Variants in DIS3L2 observed in about 807,000 individuals in gnomAD.
DIS3L2 encodes the protein DIS3 like 3'-5' exoribonuclease 2.
Under a neutral mutation model 97.5 loss-of-function variants are expected in DIS3L2, and 34 were observed. The observed-to-expected ratio is 0.35, with a 90% CI of 0.27 to 0.46. The LOEUF (loss-of-function observed/expected upper bound fraction) is 0.46, where lower values mean the gene tolerates loss of function less well. Ranked by LOEUF, DIS3L2 falls within the 20% of genes least tolerant of loss-of-function variation. DIS3L2 has a pLI of 1.00. For missense variants in DIS3L2, 1,038 were observed against 1,146.0 expected, an observed-to-expected ratio of 0.91 and a Z score of 1.36; for synonymous variants, 435 against 445.2, an observed-to-expected ratio of 0.98 and a Z score of 0.29.
At chr2:232,090,225 G>A (rs557382468) in intron 6 of DIS3L2, among the ~76,000 whole-genome samples, 1 of 152,272 alleles carries the variant, frequency 6.6e-6, no homozygotes, top group Admixed American at 6.5e-5. Context: ...GTGAGCCATT[G>A]TGCCTGGCCC....
intron 5 of DIS3L2, among the ~76,000 whole-genome samples, chr2:232,050,897 G>A (rs1242790549): frequency 6.6e-6 from 1 of 152,218 alleles, no homozygotes; most frequent in Admixed American, 6.5e-5. Context: ...GATGAAGGAG[G>A]TGTATGGAGT....
chr2:232,006,933 T>G (rs1694068404), intron 1 of DIS3L2, among the ~76,000 whole-genome samples: 1 of 152,200 alleles, frequency 6.6e-6, no homozygotes, highest in African/African-American at 2.4e-5. Flanking sequence ...ACAGAAAACT[T>G]TACTTCATTA....
At chr2:232,172,795 T>C (rs1389031882) in intron 9 of DIS3L2, 2 of 532,898 alleles carry the variant, frequency 3.8e-6, no homozygotes, top group South Asian at 1.4e-5. Flanking sequence ...TTATCTGTAT[T>C]TGTGATTATA....
Position 232,287,367 on chromosome 2 carries a change from T to C in DIS3L2, c.1660-12673T>C, listed in dbSNP as rs545710540. ...GAAAGTTTGTTCATTTTCCTTCTTT[T>C]TATCCTTTCCTTCCCCCCGCGCCCC... is the stretch of plus-strand genomic sequence containing the variant. On this transcript the variant is annotated intron_variant, in intron 13 of 20. Coordinates refer to ENST00000325385, the MANE Select transcript of DIS3L2 (RefSeq NM_152383.5). Among the ~76,000 whole-genome samples the C allele has an allele frequency of 6.2e-4, 91 of 146,864 alleles. 1 individual carries two copies. Among genetic ancestry groups the C allele is most frequent in the African/African-American group, 2.2e-3 (86 of 38,968 alleles).
At chr2:232,123,173 G>A (rs1012660684) in intron 6 of DIS3L2, among the ~76,000 whole-genome samples, 2 of 152,042 alleles carry the variant, frequency 1.3e-5, no homozygotes, top group South Asian at 2.1e-4. Flanking sequence ...GAGCTTGGAC[G>A]TGGAGTCAGA....
intron 9 of DIS3L2, among the ~76,000 whole-genome samples, chr2:232,200,431 T>A (rs1311051501): frequency 6.6e-6 from 1 of 152,142 alleles, no homozygotes; most frequent in Non-Finnish European, 1.5e-5. Context: ...AGTCGGTAAT[T>A]ATAAACCTGG....
At chr2:232,096,393 G>A (rs1252659764) in intron 6 of DIS3L2, among the ~76,000 whole-genome samples, 1 of 152,122 alleles carries the variant, frequency 6.6e-6, no homozygotes, top group Non-Finnish European at 1.5e-5. Flanking sequence ...GCGCCTTGGG[G>A]TAGTTTTCTT....
At position 232,105,937 on chromosome 2, in the gene DIS3L2, G is replaced by A. The variant is rs577021432; in HGVS notation, c.601+18216G>A. Among the ~76,000 whole-genome samples, 29 of 152,272 alleles carry A rather than the reference G, an allele frequency of 1.9e-4. 1 individual carries two copies. The South Asian group carries it at 5.6e-3, about 29-fold the overall frequency. ...TCCTGACTCTCTTGCTTGCTCTGCA[G>A]TTTTAGCTTTATACTAGGCTCCCTG... On this transcript the variant is annotated intron_variant, in intron 6 of 20. Transcript: ENST00000325385.
chr2:232,269,733 C>T lies in DIS3L2; in HGVS notation c.1659+6293C>T, dbSNP rs781042600. ...AGGGATGAGAAATGGCAGATTGTTCCAGGGTGTGTGGTGTAGGGTGCAGAG... is the reference window on the plus strand; with the variant it reads ...AGGGATGAGAAATGGCAGATTGTTCTAGGGTGTGTGGTGTAGGGTGCAGAG... On this transcript the variant is annotated intron_variant, in intron 13 of 20. Transcript: ENST00000325385. This position sits in a 1 kb window ranked among gnomAD's most constrained non-coding sequence, Gnocchi z 4.5. 7.2e-6 allele frequency among the ~76,000 whole-genome samples: 1 copy of T among 138,558 alleles called. No individual in the cohort carries two copies. Among genetic ancestry groups the T allele is most frequent in the Non-Finnish European group, 1.5e-5 (1 of 66,456 alleles). The allele number at this position is 138,558 out of a possible 152,430, so 90.9% of individuals were successfully genotyped here. A position where few individuals can be genotyped will look rare whatever the true frequency, so the allele number is the denominator to read the frequency against.
intron 5 of DIS3L2, among the ~76,000 whole-genome samples, chr2:232,064,926 A>G (rs1695811958): frequency 6.6e-6 from 1 of 152,140 alleles, no homozygotes; most frequent in African/African-American, 2.4e-5. Context: ...AATGTGGACA[A>G]AAGTCCTTTG....
intron 1 of DIS3L2, among the ~76,000 whole-genome samples, chr2:232,000,722 CTTCT>C (rs1415750502): frequency 7.7e-5 from 8 of 103,930 alleles, no homozygotes; most frequent in Non-Finnish European, 1.6e-4. Flanking sequence ...CTTTCTTCTT[CTTCT>C]TTTTTTTTTT....
intron 6 of DIS3L2, among the ~76,000 whole-genome samples, chr2:232,129,092 G>A (rs908574967): frequency 2.0e-5 from 3 of 152,102 alleles, no homozygotes; most frequent in African/African-American, 7.2e-5. Context: ...TTGTTGGGAT[G>A]GAATCTGAGG....
chr2:232,194,745 T>G (rs1432529519), intron 9 of DIS3L2, among the ~76,000 whole-genome samples: 1 of 152,104 alleles, frequency 6.6e-6, no homozygotes, highest in African/African-American at 2.4e-5. Flanking sequence ...AGTCCAGGGC[T>G]TGGTAAGGAC....
At chr2:232,330,812 A>C in intron 16 of DIS3L2, 36 bp downstream of exon 16, 2 of 1,588,854 alleles carry the variant, frequency 1.3e-6, no homozygotes, top group South Asian at 2.2e-5. Context: ...CCCTGCTCCC[A>C]GGAGCACACT....
intron 8 of DIS3L2, among the ~76,000 whole-genome samples, chr2:232,148,992 C>T (rs1690310664): frequency 6.7e-6 from 1 of 148,230 alleles, no homozygotes; most frequent in African/African-American, 2.5e-5. Flanking sequence ...AACTTCTCCC[C>T]AGAAAAAGAG....
At chr2:232,082,409 A>G (rs1035322151) in intron 5 of DIS3L2, among the ~76,000 whole-genome samples, 4 of 152,166 alleles carry the variant, frequency 2.6e-5, no homozygotes, top group African/African-American at 9.7e-5. Flanking sequence ...GCAAGTGAGC[A>G]TTACCGCTTG....
chr2:232,227,660 C>T (rs1692685704), intron 10 of DIS3L2, among the ~76,000 whole-genome samples: 1 of 152,086 alleles, frequency 6.6e-6, no homozygotes, highest in Non-Finnish European at 1.5e-5. Flanking sequence ...GCTAATTGGG[C>T]ATGGTGAGAA....
chr2:232,024,404 A>G, intron 4 of DIS3L2, 74 bp downstream of exon 4: 2 of 1,202,834 alleles, frequency 1.7e-6, no homozygotes, highest in Non-Finnish European at 1.2e-6. Context: ...CTGAAATCAT[A>G]TATTCTAACT....
intron 10 of DIS3L2, among the ~76,000 whole-genome samples, chr2:232,216,686 G>C: frequency 6.6e-6 from 1 of 152,098 alleles, no homozygotes; most frequent in African/African-American, 2.4e-5. Flanking sequence ...TGTTTATGTT[G>C]AGAACTAGGA....
Sources: allele counts gnomAD v4.1 joint callset (sites outside exome capture counted in the v4.1 genomes callset), GRCh38; gene constraint gnomAD v4.1.1; non-coding constraint Gnocchi (gnomAD v3.1); transcripts MANE v1.5; gene names NCBI Gene and HGNC (gene_info 2026-07-23, HGNC 2026-07-21).